ACOT11: variants seen among roughly 807,000 people sequenced by gnomAD.
The protein encoded by ACOT11 is acyl-coenzyme A thioesterase 11.
In ACOT11, 69 loss-of-function variants were observed where a neutral mutation model predicts 77.5. That is an observed-to-expected ratio of 0.89 (90% CI 0.73 to 1.09). The LOEUF (loss-of-function observed/expected upper bound fraction) is 1.09, where lower values mean the gene tolerates loss of function less well. Ranked by LOEUF, ACOT11 falls within the 50% of genes least tolerant of loss-of-function variation. The probability of loss-of-function intolerance (pLI) is 0.00; values close to 1 mark genes in which losing one functional copy is unlikely to be tolerated. For missense variants in ACOT11, 766 were observed against 813.7 expected, an observed-to-expected ratio of 0.94 and a Z score of 0.71; for synonymous variants, 279 against 313.0, an observed-to-expected ratio of 0.89 and a Z score of 1.15.
rs35842233 is a variant in ACOT11, at chr1:54,579,413, C to CT, written c.34-5236dup. The stretch of plus-strand genomic sequence containing the variant: ...GTATGTGTGTAGGCTGCCTCAGAGC[C>CT]TTTTTTGGGAAGAAGGCAGGGAATA... On this transcript the variant is annotated intron_variant, in intron 1 of 15. Transcript: ENST00000343744. 7.2e-3 allele frequency among the ~76,000 whole-genome samples: 1,094 copies of CT among 152,222 alleles called. 12 individuals carry two copies. The highest frequency in any genetic ancestry group is 0.025 in the African/African-American group (1,036 of 41,532).
intron 13 of ACOT11, among the ~76,000 whole-genome samples, chr1:54,605,457 T>C (rs1428307518): frequency 2.0e-5 from 3 of 152,294 alleles, no homozygotes; most frequent in East Asian, 1.9e-4. Flanking sequence ...CTGTGTGACA[T>C]TGGATAAGTC....
At chr1:54,578,865 GGGT>G (rs1654203938) in intron 1 of ACOT11, among the ~76,000 whole-genome samples, 1 of 151,264 alleles carries the variant, frequency 6.6e-6, no homozygotes, top group Non-Finnish European at 1.5e-5. Flanking sequence ...AGAATTGCTA[GGGT>G]AATACGTATG....
At chr1:54,570,729 G>A (rs1304692896) in intron 1 of ACOT11, among the ~76,000 whole-genome samples, 2 of 151,302 alleles carry the variant, frequency 1.3e-5, no homozygotes, top group Non-Finnish European at 2.9e-5. Flanking sequence ...CAGGTTGGAT[G>A]GAGTACAGCA....
intron 15 of ACOT11, among the ~76,000 whole-genome samples, chr1:54,617,954 T>A (rs1054578061): frequency 4.6e-5 from 7 of 151,552 alleles, no homozygotes; most frequent in Admixed American, 4.0e-4. Flanking sequence ...CTCGAACTCC[T>A]GACCTCAGGT....
chr1:54,575,199 G>A (rs1327866721), intron 1 of ACOT11, among the ~76,000 whole-genome samples: 1 of 152,218 alleles, frequency 6.6e-6, no homozygotes, highest in Non-Finnish European at 1.5e-5. Context: ...GACTTGAGAT[G>A]TCTCTGAGTG....
At chr1:54,581,076 C>G (rs1047804763) in intron 1 of ACOT11, among the ~76,000 whole-genome samples, 1 of 152,156 alleles carries the variant, frequency 6.6e-6, no homozygotes, top group Non-Finnish European at 1.5e-5. Context: ...GAGGCTTGCT[C>G]TTTAGAAAGG....
chr1:54,564,998 G>A (rs1385727977), intron 1 of ACOT11, among the ~76,000 whole-genome samples: 1 of 152,146 alleles, frequency 6.6e-6, no homozygotes, highest in Non-Finnish European at 1.5e-5. Context: ...GCCAAGGGAG[G>A]GGCCCTTTCT....
intron 15 of ACOT11, among the ~76,000 whole-genome samples, chr1:54,622,406 C>T (rs1644239055): frequency 2.6e-5 from 4 of 151,978 alleles, no homozygotes; most frequent in African/African-American, 7.3e-5. Context: ...TGGTGAAACC[C>T]GTCTGTACTA....
intron 15 of ACOT11, chr1:54,623,212 A>T: frequency 9.7e-7 from 1 of 1,030,494 alleles, no homozygotes; most frequent in Non-Finnish European, 1.5e-6. Context: ...GCTGTAAGTG[A>T]GAAGTGGGGA....
At chr1:54,603,762 A>C (rs571599406) in intron 10 of ACOT11, 109 bp from the exon 11 acceptor site, 4 of 1,048,194 alleles carry the variant, frequency 3.8e-6, no homozygotes, top group Non-Finnish European at 4.4e-6. Context: ...GGAGTCTCCC[A>C]TTCTGCCGGG....
intron 1 of ACOT11, among the ~76,000 whole-genome samples, chr1:54,575,545 A>G (rs1475153516): frequency 1.3e-5 from 2 of 151,366 alleles, no homozygotes. Flanking sequence ...GTGTGGGGTG[A>G]CACTAGGGAG....
chr1:54,634,921 G>A (rs79831505), exon 17 of ACOT11: 28 of 507,130 alleles, frequency 5.5e-5, no homozygotes, highest in Admixed American at 4.8e-4. Context: ...TGAGGAAAGC[G>A]GGACAACCAG....
rs61770426 is a variant in ACOT11 at position 54,620,014 on chromosome 1, G to C, written c.1630-10720G>C. ...CAGGCCTCCAGCTCACAGCCTGGAA[G>C]GAATCCCAAGGGGCTGTTAGCGTCT... On this transcript the variant is annotated intron_variant, in intron 15 of 16. Transcript: ENST00000371316. The C allele has an allele frequency of 0.17, 267,502 of 1,613,038 alleles. 24,735 individuals are homozygous for C. The highest frequency in any genetic ancestry group is 0.19 in the Non-Finnish European group (228,714 of 1,179,246).
chr1:54,599,812 A>G (rs1045122305), intron 8 of ACOT11, among the ~76,000 whole-genome samples: 1 of 152,276 alleles, frequency 6.6e-6, no homozygotes, highest in Admixed American at 6.5e-5. Flanking sequence ...TCCTAAAATA[A>G]TTAGTCCACA....
At chr1:54,552,828 TTG>T (rs1167581878) in intron 1 of ACOT11, among the ~76,000 whole-genome samples, 9 of 104,332 alleles carry the variant, frequency 8.6e-5, no homozygotes, top group African/African-American at 2.6e-4. Flanking sequence ...TGTTTTTGTT[TTG>T]TTTTTTTTTT....
intron 1 of ACOT11, among the ~76,000 whole-genome samples, chr1:54,566,327 C>G (rs1028506818): frequency 6.6e-6 from 1 of 151,980 alleles, no homozygotes; most frequent in Non-Finnish European, 1.5e-5. Flanking sequence ...CATGGTGGCG[C>G]GTTCCTGTAA....
At chr1:54,585,953 C>G in intron 3 of ACOT11, 49 bp downstream of exon 3, 1 of 1,588,388 alleles carries the variant, frequency 6.3e-7, no homozygotes, top group Non-Finnish European at 8.6e-7. Context: ...CTCCCATCAG[C>G]CTGGGGCCTG....
At chr1:54,560,009 G>A (rs1338766080) in intron 1 of ACOT11, among the ~76,000 whole-genome samples, 1 of 152,224 alleles carries the variant, frequency 6.6e-6, no homozygotes, top group African/African-American at 2.4e-5. Context: ...CTGGCTGCAG[G>A]CCTGTGTGCT....
intron 1 of ACOT11, among the ~76,000 whole-genome samples, chr1:54,555,239 G>A (rs780027356): frequency 1.4e-4 from 22 of 152,262 alleles, no homozygotes; most frequent in Non-Finnish European, 2.5e-4. Context: ...GATTACAGGC[G>A]TGAGCCACCA....
Sources: allele counts gnomAD v4.1 joint callset (sites outside exome capture counted in the v4.1 genomes callset), GRCh38; gene constraint gnomAD v4.1.1; transcripts MANE v1.5; gene names NCBI Gene and HGNC (gene_info 2026-07-23, HGNC 2026-07-21).